Variants in DLGAP2 observed in about 807,000 individuals in gnomAD.
The protein encoded by DLGAP2 is DLG associated protein 2.
Under a neutral mutation model 100.3 loss-of-function variants are expected in DLGAP2, and 26 were observed. That is an observed-to-expected ratio of 0.26 (90% CI 0.19 to 0.36). DLGAP2 has a LOEUF of 0.36. Among genes scored for constraint, DLGAP2 ranks in the 10% least tolerant of loss-of-function variants. The pLI, the probability that DLGAP2 is intolerant of heterozygous loss-of-function variation, is 1.00. For missense variants in DLGAP2, 1,858 were observed against 1,453.2 expected (o/e 1.28, Z -4.53); for synonymous variants, 886 against 630.1 (o/e 1.41, Z -6.08).
chr8:1,625,021 G>C (rs1196768588), intron 6 of DLGAP2, among the ~76,000 whole-genome samples: 1 of 152,106 alleles, frequency 6.6e-6, no homozygotes. Context: ...CACTTAATAA[G>C]AATTCATTGA....
At chr8:927,840 T>A (rs1177320590) in intron 2 of DLGAP2, among the ~76,000 whole-genome samples, 2 of 151,822 alleles carry the variant, frequency 1.3e-5, no homozygotes, top group African/African-American at 4.8e-5. Context: ...AAGGGCAGAG[T>A]TCAGAGAGCT....
chr8:1,317,386 CCT>C (rs1800782460), intron 3 of DLGAP2, among the ~76,000 whole-genome samples: 1 of 95,986 alleles, frequency 1.0e-5, no homozygotes, highest in Non-Finnish European at 2.2e-5. Flanking sequence ...AAAAATAGAG[CCT>C]GTGCGAGTGC....
At chr8:1,028,919 C>A (rs1207866258) in intron 2 of DLGAP2, among the ~76,000 whole-genome samples, 3 of 152,136 alleles carry the variant, frequency 2.0e-5, no homozygotes, top group African/African-American at 7.2e-5. Flanking sequence ...TGAAGGACGG[C>A]CTGACCGAGG....
At chr8:1,531,243 T>C (rs1205167680) in intron 4 of DLGAP2, among the ~76,000 whole-genome samples, 1 of 143,710 alleles carries the variant, frequency 7.0e-6, no homozygotes, top group Non-Finnish European at 1.5e-5. Flanking sequence ...AGCGTGTGCG[T>C]GTGTGTGTGT....
At position 878,905 on chromosome 8, in the gene DLGAP2, C is replaced by T. The variant is rs541446935; in HGVS notation, c.19-29007C>T. On this transcript the variant is annotated intron_variant, in intron 1 of 14. Transcript: ENST00000637795. ...GAATCATGAATTAAATACCTCTTCT[C>T]TTTGCAGATTACCCTGCCTCAGATA... Among the ~76,000 whole-genome samples the T allele has an allele frequency of 5.3e-5, 8 of 152,278 alleles. 1 individual carries two copies. The South Asian group carries it at 1.5e-3, about 28-fold the overall frequency.
rs1332876617 is a variant in DLGAP2 at position 1,336,428 on chromosome 8, C to T, written c.106+77545C>T. On this transcript the variant is annotated intron_variant, in intron 3 of 14. Coordinates refer to ENST00000637795, the MANE Select transcript of DLGAP2 (RefSeq NM_001346810.2). The stretch of plus-strand genomic sequence containing the variant: ...CGTGCATCCACAGGCTGTCAAGAAC[C>T]GGCCGGTAGAAGTCTGGGCTCTTTC... 2.0e-5 allele frequency among the ~76,000 whole-genome samples: 3 copies of T among 152,156 alleles called. No homozygotes were observed. The East Asian group carries it at 5.8e-4, about 30-fold the overall frequency.
chr8:1,562,283 G>A (rs1363612632), intron 5 of DLGAP2, among the ~76,000 whole-genome samples: 1 of 18,034 alleles, frequency 5.5e-5, no homozygotes, highest in African/African-American at 2.5e-4. Context: ...GGGTGTCGGC[G>A]CCTCGTTACT....
At chr8:1,273,832 A>C (rs1453280576) in intron 3 of DLGAP2, among the ~76,000 whole-genome samples, 1 of 152,234 alleles carries the variant, frequency 6.6e-6, no homozygotes, top group African/African-American at 2.4e-5. Context: ...GGCTAGAATG[A>C]CATTGGTGTA....
At chr8:1,067,016 TG>T (rs1294161374) in intron 2 of DLGAP2, among the ~76,000 whole-genome samples, 1 of 152,164 alleles carries the variant, frequency 6.6e-6, no homozygotes, top group Non-Finnish European at 1.5e-5. Flanking sequence ...CGACTCTGAC[TG>T]GTGGTGTTTG....
intron 2 of DLGAP2, among the ~76,000 whole-genome samples, chr8:1,090,788 A>G (rs911376993): frequency 6.6e-6 from 1 of 152,216 alleles, no homozygotes; most frequent in African/African-American, 2.4e-5. Flanking sequence ...TATTTAGTAC[A>G]AAAGCTGAAT....
intron 2 of DLGAP2, among the ~76,000 whole-genome samples, chr8:1,046,233 C>A (rs1255872465): frequency 6.6e-6 from 1 of 152,156 alleles, no homozygotes; most frequent in Non-Finnish European, 1.5e-5. Flanking sequence ...GCCTTGAATG[C>A]AATCTGTAAT....
intron 1 of DLGAP2, among the ~76,000 whole-genome samples, chr8:879,792 T>C (rs911727150): frequency 2.0e-5 from 3 of 152,200 alleles, no homozygotes; most frequent in East Asian, 1.9e-4. Context: ...ATCTGGGCAG[T>C]GGATGCTGCT....
chr8:1,536,373 C>G (rs1438352294), intron 4 of DLGAP2, among the ~76,000 whole-genome samples: 1 of 152,128 alleles, frequency 6.6e-6, no homozygotes, highest in Admixed American at 6.5e-5. Context: ...CATTTCATAC[C>G]CGAGAACCAA....
chr8:1,672,592 G>C (rs1028201399), intron 10 of DLGAP2, among the ~76,000 whole-genome samples: 6 of 152,192 alleles, frequency 3.9e-5, no homozygotes, highest in Non-Finnish European at 7.3e-5. Flanking sequence ...GCCTGGAAAA[G>C]ACTCTGCGGC....
chr8:1,041,889 G>A (rs1802364348), intron 2 of DLGAP2, among the ~76,000 whole-genome samples: 1 of 152,220 alleles, frequency 6.6e-6, no homozygotes, highest in African/African-American at 2.4e-5. Flanking sequence ...TCACCATGCG[G>A]AAGAATGTCG....
At chr8:791,784 C>T (rs769934052) in intron 1 of DLGAP2, among the ~76,000 whole-genome samples, 34 of 152,312 alleles carry the variant, frequency 2.2e-4, no homozygotes, top group Non-Finnish European at 4.6e-4. Flanking sequence ...TATGCCTCCC[C>T]CTTATTCACT....
chr8:1,420,161 A>G (rs1361201709), intron 3 of DLGAP2, among the ~76,000 whole-genome samples: 1 of 152,150 alleles, frequency 6.6e-6, no homozygotes, highest in Non-Finnish European at 1.5e-5. Context: ...TCACAAGGCT[A>G]GTTCCCTGAG....
intron 8 of DLGAP2, among the ~76,000 whole-genome samples, chr8:1,635,167 G>C (rs1797738445): frequency 6.6e-6 from 1 of 152,106 alleles, no homozygotes; most frequent in Non-Finnish European, 1.5e-5. Flanking sequence ...TTGTATATTA[G>C]TTATTTAAAT....
At chr8:1,435,730 G>T (rs190816556) in intron 3 of DLGAP2, among the ~76,000 whole-genome samples, 1 of 151,828 alleles carries the variant, frequency 6.6e-6, no homozygotes, top group Non-Finnish European at 1.5e-5. Context: ...GGCGATGGCA[G>T]CTCCACGTCT....
Sources: gnomAD v4.1 joint callset for allele counts (sites outside exome capture counted in the v4.1 genomes callset) on GRCh38, gnomAD v4.1.1 for gene constraint, MANE v1.5 for transcripts, NCBI Gene and HGNC (gene_info 2026-07-23, HGNC 2026-07-21) for gene names.